Variants in ZMAT1 observed in about 807,000 individuals in gnomAD.
ZMAT1 encodes the protein zinc finger matrin-type protein 1.
In ZMAT1, 11 loss-of-function variants were observed where a neutral mutation model predicts 18.5. That is an observed-to-expected ratio of 0.59 (90% confidence interval 0.37 to 0.98). The LOEUF is 0.98. Ranked by LOEUF, ZMAT1 falls within the 50% of genes least tolerant of loss-of-function variation. ZMAT1 has a pLI of 0.01. For synonymous variants in ZMAT1, 211 were observed against 176.4 expected (o/e 1.20, Z -1.55); for missense variants, 525 against 496.2 (o/e 1.06, Z -0.55).
At chrX:101,886,096 T>G (rs1382358784) in intron 5 of ZMAT1, among the ~76,000 whole-genome samples, 4 of 112,331 alleles carry the variant, frequency 3.6e-5, no homozygotes, top group Non-Finnish European at 7.5e-5. Flanking sequence ...TAAAATGGAC[T>G]AAATATTTAT....
intron 1 of ZMAT1, among the ~76,000 whole-genome samples, chrX:101,906,431 G>T (rs998440254): frequency 9.3e-6 from 1 of 107,692 alleles, no homozygotes; most frequent in Non-Finnish European, 1.9e-5. Flanking sequence ...CCCCTGGAGG[G>T]AGCTAATATA....
intron 1 of ZMAT1, among the ~76,000 whole-genome samples, chrX:101,927,035 A>C (rs1448545308): frequency 8.9e-6 from 1 of 112,595 alleles, no homozygotes; most frequent in Admixed American, 9.4e-5. Flanking sequence ...CACAGATTTC[A>C]AGTCAGGCAT....
intron 4 of ZMAT1, chrX:101,887,573 T>G (rs1237534608): frequency 9.0e-6 from 1 of 111,640 alleles, no homozygotes; most frequent in East Asian, 2.8e-4. Flanking sequence ...ACCATGGTAA[T>G]CTTTTAAACC....
At chrX:101,895,138 C>G (rs182612237) in intron 4 of ZMAT1, among the ~76,000 whole-genome samples, 1 of 111,500 alleles carries the variant, frequency 9.0e-6, no homozygotes, top group Non-Finnish European at 1.9e-5. Flanking sequence ...CAAAAATGCG[C>G]CTGTCGGCTC....
In ZMAT1 at chrX:101,901,246, A is replaced by G. The variant is rs527281936; in HGVS notation, c.399+2978T>C. On this transcript the variant is annotated intron_variant, in intron 2 of 5. Coordinates refer to ENST00000651725, the MANE Select transcript of ZMAT1 (RefSeq NM_001394560.1). ...GGTTTTCAAGGTAAACGATCATATC[A>G]TCGGCAAACAGTGACAGTTTGACTT... is the stretch of plus-strand genomic sequence containing the variant. Among the ~76,000 whole-genome samples the G allele has an allele frequency of 7.0e-4, 78 of 111,192 alleles. 3 individuals carry two copies. The South Asian group carries it at 0.029, about 42-fold the overall frequency.
At chrX:101,890,634 T>A (rs1927312509) in intron 4 of ZMAT1, among the ~76,000 whole-genome samples, 1 of 111,194 alleles carries the variant, frequency 9.0e-6, no homozygotes, top group African/African-American at 3.3e-5. Flanking sequence ...GAAAGATACA[T>A]GAACAAAAAA....
chrX:101,900,864 T>G (rs369372042), intron 2 of ZMAT1, among the ~76,000 whole-genome samples: 15 of 111,600 alleles, frequency 1.3e-4, no homozygotes, highest in African/African-American at 3.9e-4. Flanking sequence ...TTGATGGGGA[T>G]TGCACTGAAT....
intron 4 of ZMAT1, among the ~76,000 whole-genome samples, chrX:101,895,469 CTA>C (rs1323346369): frequency 1.5e-4 from 17 of 110,948 alleles, no homozygotes; most frequent in Non-Finnish European, 2.5e-4. Flanking sequence ...TTATAAAATT[CTA>C]TGATTCCATG....
intron 1 of ZMAT1, among the ~76,000 whole-genome samples, chrX:101,918,867 T>C (rs1445677985): frequency 3.6e-5 from 4 of 110,263 alleles, no homozygotes; most frequent in Admixed American, 9.7e-5. Context: ...TAAATATCAA[T>C]GCTTTTTTTT....
chrX:101,929,437 ATATATAT>A, intron 1 of ZMAT1, among the ~76,000 whole-genome samples: 1 of 81,216 alleles, frequency 1.2e-5, no homozygotes, highest in South Asian at 5.6e-4. Flanking sequence ...ATATATATAT[ATATATAT>A]ATATATATAT....
intron 2 of ZMAT1, 146 bp downstream of exon 2, chrX:101,904,078 G>T: frequency 2.4e-6 from 1 of 412,339 alleles, no homozygotes; most frequent in Non-Finnish European, 4.2e-6. Context: ...ATCCCTTTCT[G>T]AGCCAATCTC....
In ZMAT1 at chrX:101,891,824, G is replaced by A. The variant is rs191869185; in HGVS notation, c.677-5093C>T. 6.3e-3 allele frequency among the ~76,000 whole-genome samples: 705 copies of A among 111,388 alleles called. 8 individuals are homozygous for A. Among genetic ancestry groups the A allele is most frequent in the African/African-American group, 0.022 (671 of 30,721 alleles). On this transcript the variant is annotated intron_variant, in intron 4 of 5. Transcript: ENST00000651725. The stretch of plus-strand genomic sequence containing the variant: ...TGAGGTGGTAGACTGGTGGTGTGAA[G>A]GCTGAGGGAATAAGCACCAAAGAAC...
In ZMAT1 at chrX:101,930,212, G is replaced by A. The variant is rs998606590; in HGVS notation, c.292+1505C>T. On this transcript the variant is annotated intron_variant, in intron 1 of 5. Coordinates refer to ENST00000651725, the MANE Select transcript of ZMAT1 (RefSeq NM_001394560.1). ...AAACCTTACTGTGAACAGACGATGA[G>A]AGCCAAATTGAATTGTGATCTTGAT... is the stretch of plus-strand genomic sequence containing the variant. 5.4e-5 allele frequency among the ~76,000 whole-genome samples: 6 copies of A among 111,867 alleles called. No homozygotes were observed. In the Admixed American group the frequency reaches 5.7e-4, roughly 11 times the overall value.
At chrX:101,915,143 G>A (rs1471641557) in intron 1 of ZMAT1, among the ~76,000 whole-genome samples, 3 of 111,357 alleles carry the variant, frequency 2.7e-5, no homozygotes, top group Non-Finnish European at 5.7e-5. Context: ...ATTCCTTTGT[G>A]ATAAAAATCC....
At chrX:101,902,221 G>A (rs1036448523) in intron 2 of ZMAT1, among the ~76,000 whole-genome samples, 1 of 111,646 alleles carries the variant, frequency 9.0e-6, no homozygotes, top group Non-Finnish European at 1.9e-5. Flanking sequence ...TGTCCTGTGT[G>A]ATCACTAGTG....
chrX:101,887,137 C>G, intron 4 of ZMAT1: 2 of 572,877 alleles, frequency 3.5e-6, no homozygotes, highest in Non-Finnish European at 4.2e-6. Context: ...TCCACCCAAC[C>G]AAAACCTGAA....
At chrX:101,911,572 T>A in intron 1 of ZMAT1, 2 of 1,152,729 alleles carry the variant, frequency 1.7e-6, no homozygotes, top group Non-Finnish European at 2.4e-6. Context: ...GGAGAAGCCC[T>A]ATGAATGCAA....
In ZMAT1 at chrX:101,925,850, T is replaced by C. The variant is rs997282444; in HGVS notation, c.292+5867A>G. 3.6e-5 allele frequency among the ~76,000 whole-genome samples: 4 copies of C among 112,518 alleles called. No individual in the cohort carries two copies. In the Admixed American group the frequency reaches 3.8e-4, roughly 11 times the overall value. On this transcript the variant is annotated intron_variant, in intron 1 of 5. Coordinates refer to ENST00000651725, the MANE Select transcript of ZMAT1 (RefSeq NM_001394560.1). ...ACTGATTGTGGTGAGGAGCCTGTCC[T>C]ACGCATTATAGGATATTTGGCAGCA...
In ZMAT1 at chrX:101,883,726, A is replaced by G. The variant is rs200982861; in HGVS notation, c.1872T>C (p.Asp624=). 52 of 1,203,007 alleles carry G rather than the reference A, an allele frequency of 4.3e-5. No homozygotes were observed. Among genetic ancestry groups the G allele is most frequent in the Admixed American group, 9.0e-5 (4 of 44,508 alleles). Reference sequence around the variant, plus strand: ...TGCTCTTGTCTTTGTCTAAATCTGTATCTTCATAACTCTTTTTCCTTTTAT... The same window carrying G: ...TGCTCTTGTCTTTGTCTAAATCTGTGTCTTCATAACTCTTTTTCCTTTTAT... ...SKHKRKKSYE[D]TDLDKDKSIR... The change falls in exon 6 of 6, where the codon GAT becomes GAC. Residue 624 remains aspartate (D), a synonymous_variant. Transcript: ENST00000651725.
Sources: allele counts gnomAD v4.1 joint callset (sites outside exome capture counted in the v4.1 genomes callset), GRCh38; gene constraint gnomAD v4.1.1; transcripts MANE v1.5; gene names NCBI Gene and HGNC (gene_info 2026-07-23, HGNC 2026-07-21).